The following VPS13B variants were observed in gnomAD, a reference collection of about 807,000 sequenced individuals.
VPS13B encodes the protein intermembrane lipid transfer protein VPS13B.
VPS13B carries 285 observed loss-of-function variants against 426.4 expected under a neutral mutation model. The ratio of observed to expected loss-of-function variants is 0.67; its 90% confidence interval spans 0.61 to 0.74. The LOEUF is 0.74. Ranked by LOEUF, VPS13B falls within the 30% of genes least tolerant of loss-of-function variation. VPS13B has a pLI of 0.00. For missense variants in VPS13B, 4,537 were observed against 4,782.6 expected (o/e 0.95, Z 1.51); for synonymous variants, 1,676 against 1,676.4 (o/e 1.00, Z 0.01).
At chr8:99,599,164 C>G (rs1827165359) in intron 33 of VPS13B, among the ~76,000 whole-genome samples, 1 of 151,972 alleles carries the variant, frequency 6.6e-6, no homozygotes, top group African/African-American at 2.4e-5. Context: ...CTGGTAAGAA[C>G]AGGTAAAACT....
chr8:99,475,807 C>T (rs1334770847), intron 24 of VPS13B, among the ~76,000 whole-genome samples: 2 of 152,232 alleles, frequency 1.3e-5, no homozygotes, highest in Non-Finnish European at 2.9e-5. Context: ...CCACCTTTCT[C>T]CTGTTCTCCT....
chr8:99,789,270 T>C (rs1312236240), intron 43 of VPS13B, among the ~76,000 whole-genome samples: 1 of 152,148 alleles, frequency 6.6e-6, no homozygotes, highest in Admixed American at 6.6e-5. Flanking sequence ...AATGCATGTA[T>C]ACATATATAT....
At chr8:99,354,013 A>G (rs1224413359) in intron 19 of VPS13B, among the ~76,000 whole-genome samples, 1 of 152,058 alleles carries the variant, frequency 6.6e-6, no homozygotes, top group Non-Finnish European at 1.5e-5. Context: ...TAACAAAATA[A>G]CTTGTTGTAT....
At chr8:99,801,458 T>A (rs967573522) in intron 43 of VPS13B, among the ~76,000 whole-genome samples, 5 of 152,288 alleles carry the variant, frequency 3.3e-5, no homozygotes, top group Middle Eastern at 3.4e-3. Context: ...ACACAGTCGG[T>A]ATGCTTTGTA....
At chr8:99,445,820 T>C (rs1817890048) in intron 23 of VPS13B, among the ~76,000 whole-genome samples, 1 of 152,210 alleles carries the variant, frequency 6.6e-6, no homozygotes, top group African/African-American at 2.4e-5. Flanking sequence ...TTTTAAAACT[T>C]GATATCATTA....
chr8:99,686,945 C>A (rs1003820865), intron 35 of VPS13B, among the ~76,000 whole-genome samples: 1 of 152,036 alleles, frequency 6.6e-6, no homozygotes, highest in Non-Finnish European at 1.5e-5. Flanking sequence ...CTATAGCCAT[C>A]ACAGCTGGGA....
chr8:99,834,298 A>T (rs527599943), intron 52 of VPS13B, among the ~76,000 whole-genome samples: 1 of 152,326 alleles, frequency 6.6e-6, no homozygotes, highest in Admixed American at 6.5e-5. Flanking sequence ...GGTAGTCTGT[A>T]ATCTAAATAG....
intron 59 of VPS13B, among the ~76,000 whole-genome samples, chr8:99,868,921 C>G (rs1159674298): frequency 8.5e-5 from 13 of 152,184 alleles, no homozygotes; most frequent in Admixed American, 8.5e-4. Flanking sequence ...TCCTGCCCCT[C>G]GCAGCCAGGC....
chr8:99,343,131 G>A (rs912303679), intron 19 of VPS13B, among the ~76,000 whole-genome samples: 61 of 147,638 alleles, frequency 4.1e-4, no homozygotes, highest in African/African-American at 1.3e-3. Context: ...GTCTCGCTCT[G>A]TCGCCAGGCT....
intron 35 of VPS13B, among the ~76,000 whole-genome samples, chr8:99,670,553 T>G (rs1830672486): frequency 6.6e-6 from 1 of 152,112 alleles, no homozygotes; most frequent in Non-Finnish European, 1.5e-5. Flanking sequence ...TTATTAATTT[T>G]AGTCATAATG....
chr8:99,806,348 A>G (rs1178387552), intron 43 of VPS13B, among the ~76,000 whole-genome samples: 1 of 152,306 alleles, frequency 6.6e-6, no homozygotes, highest in East Asian at 1.9e-4. Flanking sequence ...ATGGGAAGGA[A>G]CTATCATCTT....
chr8:99,859,020 A>G (rs897417927), intron 56 of VPS13B, among the ~76,000 whole-genome samples: 1 of 152,118 alleles, frequency 6.6e-6, no homozygotes, highest in African/African-American at 2.4e-5. Flanking sequence ...TCCCCGCCAC[A>G]TGGACCCCCG....
chr8:99,448,382 T>G (rs1470883996), intron 23 of VPS13B, among the ~76,000 whole-genome samples: 1 of 152,088 alleles, frequency 6.6e-6, no homozygotes, highest in Non-Finnish European at 1.5e-5. Context: ...GAAAAGAGAT[T>G]ATTTCAAGAT....
intron 5 of VPS13B, among the ~76,000 whole-genome samples, chr8:99,107,310 T>A (rs1429809583): frequency 1.3e-5 from 2 of 151,994 alleles, no homozygotes; most frequent in Non-Finnish European, 2.9e-5. Flanking sequence ...AAGAAAAGAA[T>A]AGACAACTCA....
At chr8:99,520,792 GTCTTA>G in intron 29 of VPS13B, 102 bp from the exon 30 acceptor site, 1 of 814,062 alleles carries the variant, frequency 1.2e-6, no homozygotes, top group Non-Finnish European at 2.1e-6. Flanking sequence ...TTATTTATTG[GTCTTA>G]TCTTAATGTG....
At chr8:99,797,451 T>C (rs1812904408) in intron 43 of VPS13B, among the ~76,000 whole-genome samples, 1 of 152,168 alleles carries the variant, frequency 6.6e-6, no homozygotes, top group South Asian at 2.1e-4. Flanking sequence ...CTCAAGAACA[T>C]AGATTTAAAA....
intron 23 of VPS13B, among the ~76,000 whole-genome samples, chr8:99,464,122 G>T (rs188821801): frequency 1.3e-5 from 2 of 152,286 alleles, no homozygotes; most frequent in Admixed American, 1.3e-4. Context: ...GTGGTAGAAT[G>T]TTCCTGGTTA....
chr8:99,516,377 C>T (rs1272750129), intron 29 of VPS13B, among the ~76,000 whole-genome samples: 3 of 152,108 alleles, frequency 2.0e-5, no homozygotes, highest in Non-Finnish European at 4.4e-5. Context: ...GGAGCAATTT[C>T]ATTAGAAATA....
intron 30 of VPS13B, among the ~76,000 whole-genome samples, chr8:99,553,681 A>G (rs940985681): frequency 7.9e-5 from 12 of 152,078 alleles, no homozygotes; most frequent in African/African-American, 2.9e-4. Context: ...AACTCACATA[A>G]ATCAGCTGCT....
Sources: gnomAD v4.1 joint callset for allele counts (sites outside exome capture counted in the v4.1 genomes callset) on GRCh38, gnomAD v4.1.1 for gene constraint, MANE v1.5 for transcripts, NCBI Gene and HGNC (gene_info 2026-07-23, HGNC 2026-07-21) for gene names.